The following MCTP1 variants were observed in gnomAD, a reference collection of about 807,000 sequenced individuals.
MCTP1 encodes the protein multiple C2 and transmembrane domain-containing protein 1.
Under a neutral mutation model 120.6 loss-of-function variants are expected in MCTP1, and 69 were observed. The observed-to-expected ratio is 0.57, with a 90% CI of 0.47 to 0.70. The LOEUF is 0.70. Ranked by LOEUF, MCTP1 falls within the 30% of genes least tolerant of loss-of-function variation. MCTP1 has a pLI of 0.00. For missense variants in MCTP1, 1,203 were observed against 1,248.8 expected, an observed-to-expected ratio of 0.96 and a Z score of 0.55; for synonymous variants, 529 against 493.1, an observed-to-expected ratio of 1.07 and a Z score of -0.96.
chr5:95,067,184 T>C lies in MCTP1; in HGVS notation c.721-49700A>G, dbSNP rs540377426. ...AGGCTGGTTAATGGATACAAAGTTA[T>C]ACACAGCTGGAATAACTTCTGGAAT... On this transcript the variant is annotated intron_variant, in intron 1 of 22. Transcript: ENST00000515393. Among the ~76,000 whole-genome samples the C allele has an allele frequency of 2.6e-5, 4 of 152,250 alleles. No individual in the cohort carries two copies. The South Asian group carries it at 8.3e-4, about 32-fold the overall frequency.
intron 5 of MCTP1, among the ~76,000 whole-genome samples, chr5:94,934,445 G>T (rs1043707602): frequency 2.0e-5 from 3 of 151,802 alleles, no homozygotes; most frequent in African/African-American, 7.2e-5. Flanking sequence ...CTTGAAGCCA[G>T]TAAAAGGAAT....
At chr5:95,177,897 T>C (rs967300173) in intron 1 of MCTP1, among the ~76,000 whole-genome samples, 1 of 152,046 alleles carries the variant, frequency 6.6e-6, no homozygotes, top group Non-Finnish European at 1.5e-5. Flanking sequence ...ATAGGAAAAA[T>C]TTAGTAAAAG....
At chr5:94,835,233 C>T (rs1377913209) in intron 17 of MCTP1, among the ~76,000 whole-genome samples, 2 of 152,186 alleles carry the variant, frequency 1.3e-5, no homozygotes, top group Admixed American at 1.3e-4. Flanking sequence ...TTAACTGATT[C>T]TCTACTATGA....
In MCTP1 at chr5:94,894,867, C is replaced by T. The variant is rs1443902241; in HGVS notation, c.1653-32G>A. 1,598 of 989,734 alleles carry T rather than the reference C, an allele frequency of 1.6e-3. 6 individuals are homozygous for T. Among genetic ancestry groups the T allele is most frequent in the Middle Eastern group, 2.4e-3 (9 of 3,788 alleles). The allele number at this position is 989,734 out of a possible 1,614,324, so 61.3% of individuals were successfully genotyped here. On this transcript the variant is annotated intron_variant, in intron 10 of 22. Coordinates refer to ENST00000515393, the MANE Select transcript of MCTP1 (RefSeq NM_024717.7). ...ACAAATGTTTTGAATCAGCAAGTGG[C>T]TTTTTTTTTTTTTTTGCCATATCAA...
intron 1 of MCTP1, among the ~76,000 whole-genome samples, chr5:95,048,839 C>T (rs1745196642): frequency 6.6e-6 from 1 of 152,124 alleles, no homozygotes; most frequent in African/African-American, 2.4e-5. Flanking sequence ...AAGATCAATG[C>T]CACCATCTTC....
chr5:95,104,896 A>G (rs1452953958), intron 1 of MCTP1, among the ~76,000 whole-genome samples: 2 of 152,196 alleles, frequency 1.3e-5, no homozygotes, highest in African/African-American at 2.4e-5. Flanking sequence ...GGCTGGGACT[A>G]TAGGTGACAT....
At chr5:95,142,769 C>T (rs1360000920) in intron 1 of MCTP1, among the ~76,000 whole-genome samples, 1 of 152,042 alleles carries the variant, frequency 6.6e-6, no homozygotes, top group Non-Finnish European at 1.5e-5. Context: ...AATCTTTCAC[C>T]TCCAACACAG....
intron 1 of MCTP1, among the ~76,000 whole-genome samples, chr5:95,230,424 T>C (rs1754802837): frequency 6.6e-6 from 1 of 152,118 alleles, no homozygotes; most frequent in Non-Finnish European, 1.5e-5. Context: ...TATCCCAGAA[T>C]TCCCACTTTT....
intron 2 of MCTP1, among the ~76,000 whole-genome samples, chr5:95,006,879 A>G (rs1834869939): frequency 6.6e-6 from 1 of 152,184 alleles, no homozygotes; most frequent in Non-Finnish European, 1.5e-5. Context: ...AAAATGGGGT[A>G]CTATTAACAA....
chr5:94,817,492 T>C (rs1784722706), intron 17 of MCTP1, among the ~76,000 whole-genome samples: 1 of 152,140 alleles, frequency 6.6e-6, no homozygotes, highest in Non-Finnish European at 1.5e-5. Flanking sequence ...CCTCTTAACC[T>C]TTGAACTCCA....
intron 17 of MCTP1, among the ~76,000 whole-genome samples, chr5:94,816,464 A>G (rs988307173): frequency 2.0e-5 from 3 of 152,164 alleles, no homozygotes; most frequent in Non-Finnish European, 4.4e-5. Context: ...CTGTTAATAT[A>G]TTTAAGGATT....
chr5:95,261,339 T>A (rs572042816), intron 1 of MCTP1, among the ~76,000 whole-genome samples: 4 of 152,330 alleles, frequency 2.6e-5, no homozygotes, highest in Admixed American at 2.0e-4. Flanking sequence ...TATAATAATT[T>A]TCTGCAGCAC....
chr5:94,752,966 A>G (rs1171350610), intron 19 of MCTP1, among the ~76,000 whole-genome samples: 1 of 152,234 alleles, frequency 6.6e-6, no homozygotes, highest in East Asian at 1.9e-4. Flanking sequence ...GCCCTCATCC[A>G]AGTTTTGAAG....
chr5:94,896,905 C>T (rs978796964), intron 10 of MCTP1, among the ~76,000 whole-genome samples: 2 of 152,074 alleles, frequency 1.3e-5, no homozygotes, highest in Non-Finnish European at 2.9e-5. Context: ...GGGAGACATA[C>T]AGTTAGTTAT....
intron 2 of MCTP1, among the ~76,000 whole-genome samples, chr5:94,968,863 A>G (rs32920): frequency 0.043 from 6,595 of 152,292 alleles, 180 homozygotes; most frequent in East Asian, 0.089. Flanking sequence ...ATGACGATAA[A>G]TGAATTGAAA....
chr5:95,148,607 T>TCCTTGGATC (rs1277215862), intron 1 of MCTP1, among the ~76,000 whole-genome samples: 1 of 152,196 alleles, frequency 6.6e-6, no homozygotes, highest in East Asian at 1.9e-4. Flanking sequence ...TTTACTGGAT[T>TCCTTGGATC]CCTTGGATTC....
intron 19 of MCTP1, among the ~76,000 whole-genome samples, chr5:94,733,973 A>AC (rs1763659311): frequency 2.0e-5 from 3 of 151,748 alleles, no homozygotes; most frequent in African/African-American, 4.8e-5. Context: ...GAAAAAAAAA[A>AC]AAAGAAAAGA....
At chr5:94,737,249 A>C (rs1007300196) in intron 19 of MCTP1, among the ~76,000 whole-genome samples, 28 of 152,118 alleles carry the variant, frequency 1.8e-4, no homozygotes, top group African/African-American at 6.8e-4. Flanking sequence ...GAGGGAGGGA[A>C]ACAGTGCAAG....
chr5:94,995,802 C>T (rs939611263), intron 2 of MCTP1, among the ~76,000 whole-genome samples: 11 of 152,086 alleles, frequency 7.2e-5, no homozygotes, highest in African/African-American at 2.7e-4. Context: ...CCCACCCCCA[C>T]ACAAATGGAA....
Sources: gnomAD v4.1 joint callset for allele counts (sites outside exome capture counted in the v4.1 genomes callset) on GRCh38, gnomAD v4.1.1 for gene constraint, MANE v1.5 for transcripts, NCBI Gene and HGNC (gene_info 2026-07-23, HGNC 2026-07-21) for gene names.